Variants in ANKRD44 observed in about 807,000 individuals in gnomAD.
ANKRD44 encodes the protein serine/threonine-protein phosphatase 6 regulatory ankyrin repeat subunit B.
ANKRD44 carries 35 observed loss-of-function variants against 116.0 expected under a neutral mutation model. The observed-to-expected ratio is 0.30, with a 90% CI of 0.23 to 0.40. ANKRD44 has a LOEUF of 0.40. Among genes scored for constraint, ANKRD44 ranks in the 10% least tolerant of loss-of-function variants. The probability of loss-of-function intolerance (pLI) is 1.00; values close to 1 mark genes in which losing one functional copy is unlikely to be tolerated. For missense variants in ANKRD44, 1,014 were observed against 1,242.6 expected (o/e 0.82, Z 2.77); for synonymous variants, 435 against 461.8 (o/e 0.94, Z 0.74).
intron 21 of ANKRD44, chr2:196,967,549 C>A: frequency 2.5e-6 from 1 of 404,122 alleles, no homozygotes; most frequent in Non-Finnish European, 5.2e-6. Flanking sequence ...TTAATTTTCT[C>A]AAAATGGGGG....
intron 1 of ANKRD44, among the ~76,000 whole-genome samples, chr2:197,270,562 G>A (rs949457360): frequency 1.3e-5 from 2 of 152,182 alleles, no homozygotes; most frequent in Non-Finnish European, 2.9e-5. Flanking sequence ...GAATTTCTAA[G>A]AAGTAATAAA....
Position 197,254,041 on chromosome 2 carries a change from C to T in ANKRD44, c.27+56537G>A, listed in dbSNP as rs562672876. Among the ~76,000 whole-genome samples, 7 of 152,304 alleles carry T rather than the reference C, an allele frequency of 4.6e-5. No individual in the cohort carries two copies. In the East Asian group the frequency reaches 1.3e-3, roughly 29 times the overall value. On this transcript the variant is annotated intron_variant, in intron 1 of 27. Coordinates refer to ENST00000282272, the MANE Select transcript of ANKRD44 (RefSeq NM_001195144.2). ...AATACACAAGCAGTGAATCTTCTGGCCTCACGTAACTAAAACAAGAAAAAT... is the reference window on the plus strand; with the variant it reads ...AATACACAAGCAGTGAATCTTCTGGTCTCACGTAACTAAAACAAGAAAAAT...
intron 1 of ANKRD44, among the ~76,000 whole-genome samples, chr2:197,192,933 A>G (rs1422408345): frequency 2.0e-5 from 3 of 152,182 alleles, no homozygotes; most frequent in Non-Finnish European, 4.4e-5. Context: ...CATGTCTGAA[A>G]ATGTCTCCTA....
Position 197,001,788 on chromosome 2 carries a change from A to G in ANKRD44, c.2400T>C (p.Phe800=). The G allele has an allele frequency of 6.2e-7, 1 of 1,613,672 alleles. No homozygotes were observed. The highest frequency in any genetic ancestry group is 8.5e-7 in the Non-Finnish European group (1 of 1,179,690). ...VLLEQKCFRK[F]IGNPFTPLHC... is the part of the protein sequence containing the mutation. ...GCAGTGGAGTAAAGGGATTACCGAT[A>G]AATTTGCGAAAACATTTTTGCTCCA... Residue 800 remains phenylalanine, a synonymous_variant, in exon 22 of 28, where the codon TTT becomes TTC. Transcript: ENST00000282272.
rs2077775759 is a variant in ANKRD44 at position 197,080,768 on chromosome 2, G to A, written c.1538+877C>T. ...GGGAGGAGCACAGTGGAAAACCCTG[G>A]AGTAGACACAGGCATTCGGGCCACA... On this transcript the variant is annotated intron_variant, in intron 15 of 27. Coordinates refer to ENST00000282272, the MANE Select transcript of ANKRD44 (RefSeq NM_001195144.2). Among the ~76,000 whole-genome samples the A allele has an allele frequency of 2.0e-5, 3 of 152,088 alleles. No individual in the cohort carries two copies. In the South Asian group the frequency reaches 6.2e-4, roughly 31 times the overall value.
chr2:197,066,503 T>C (rs1350570616), intron 16 of ANKRD44, among the ~76,000 whole-genome samples: 1 of 152,136 alleles, frequency 6.6e-6, no homozygotes, highest in Non-Finnish European at 1.5e-5. Context: ...TCAAATTGTC[T>C]CTGTTTGCAG....
chr2:197,078,127 TATA>T (rs1188457395), intron 16 of ANKRD44: 1 of 156,322 alleles, frequency 6.4e-6, no homozygotes, highest in Non-Finnish European at 1.4e-5. Context: ...TTATTAAGAC[TATA>T]ATAACAAACT....
intron 1 of ANKRD44, among the ~76,000 whole-genome samples, chr2:197,288,665 TACACACACATATACACATACACAC>T (rs2083474758): frequency 1.3e-5 from 2 of 151,940 alleles, no homozygotes; most frequent in African/African-American, 4.8e-5. Flanking sequence ...TATACACATA[TACACACACATATACACATACACAC>T]ACACACACCA....
chr2:197,290,061 T>C (rs1364957284), intron 1 of ANKRD44, among the ~76,000 whole-genome samples: 1 of 152,064 alleles, frequency 6.6e-6, no homozygotes, highest in African/African-American at 2.4e-5. Context: ...GGTTTCACTA[T>C]GTTGGCCAGG....
chr2:197,063,365 G>GA (rs1270406468), intron 16 of ANKRD44, among the ~76,000 whole-genome samples: 1 of 152,182 alleles, frequency 6.6e-6, no homozygotes, highest in East Asian at 1.9e-4. Context: ...AAACAGAGCA[G>GA]AAAAGCTGAA....
rs775163277 is a variant in ANKRD44, at chr2:197,083,458, T to A, written c.1368A>T (p.Thr456=). Residue 456 remains threonine, a synonymous_variant, in exon 14 of 28, where the codon ACA becomes ACT. Transcript: ENST00000282272. ...AANCHFHCIE[T]LVTTGANVNE... is the part of the protein sequence containing the mutation. ...TAACGTTGGCCCCTGTGGTCACTAA[T>A]GTCTCAATACAGTGGAAATGACAAT... 4.3e-6 allele frequency: 7 copies of A among 1,613,920 alleles called. No homozygotes were observed. In the South Asian group the frequency reaches 7.7e-5, roughly 18 times the overall value.
In ANKRD44 at chr2:197,013,555, A is replaced by G; in HGVS notation, c.1880T>C (p.Phe627Ser). 1 of 1,614,216 alleles carries G rather than the reference A, an allele frequency of 6.2e-7. No individual in the cohort carries two copies. Among genetic ancestry groups the G allele is most frequent in the Non-Finnish European group, 8.5e-7 (1 of 1,180,044 alleles). Reference protein sequence around the residue: ...EALINQGASIFVKDNVTKRTP... With the variant: ...EALINQGASISVKDNVTKRTP... The stretch of plus-strand genomic sequence containing the variant: ...TCTTTTGGTTACATTGTCTTTCACA[A>G]AGATGGATGCGCCCTGATTGATAAG... The change falls in exon 18 of 28, where the codon TTT (phenylalanine) becomes TCT (serine). Residue 627 changes from phenylalanine (F) to serine (S), a missense_variant. Coordinates refer to ENST00000282272, the MANE Select transcript of ANKRD44 (RefSeq NM_001195144.2).
chr2:197,225,747 C>T (rs541599335), intron 1 of ANKRD44, among the ~76,000 whole-genome samples: 12 of 152,330 alleles, frequency 7.9e-5, no homozygotes, highest in Admixed American at 2.0e-4. Flanking sequence ...AACCCAGAAA[C>T]AGACCTAATA....
At chr2:197,261,391 T>C (rs1434624625) in intron 1 of ANKRD44, among the ~76,000 whole-genome samples, 1 of 151,928 alleles carries the variant, frequency 6.6e-6, no homozygotes, top group Admixed American at 6.6e-5. Context: ...TAGTTGTAGA[T>C]ATGTGGAATT....
chr2:197,098,796 G>A (rs1434731215), intron 10 of ANKRD44, among the ~76,000 whole-genome samples: 1 of 152,104 alleles, frequency 6.6e-6, no homozygotes, highest in East Asian at 1.9e-4. Flanking sequence ...ATAAGTACTA[G>A]TATTACTAGT....
At chr2:197,002,432 T>G (rs925365844) in intron 21 of ANKRD44, among the ~76,000 whole-genome samples, 1 of 152,238 alleles carries the variant, frequency 6.6e-6, no homozygotes, top group African/African-American at 2.4e-5. Context: ...GTAGGTAGTT[T>G]CCAAATCAAC....
intron 19 of ANKRD44, among the ~76,000 whole-genome samples, chr2:197,008,138 T>G (rs984787836): frequency 6.6e-6 from 1 of 152,166 alleles, no homozygotes; most frequent in Non-Finnish European, 1.5e-5. Context: ...AGTGGAATGA[T>G]CCCTAGGGAT....
In ANKRD44 at chr2:197,065,852, C is replaced by A. The variant is rs183707212; in HGVS notation, c.1650+12851G>T. Among the ~76,000 whole-genome samples the A allele has an allele frequency of 9.1e-3, 1,387 of 152,294 alleles. 7 individuals are homozygous for A. Among genetic ancestry groups the A allele is most frequent in the Non-Finnish European group, 0.013 (900 of 68,022 alleles). ...CAGATGGATTCACAGCTGAATTCTA[C>A]CAGAGGTACAAGGAGGAGCTGGTAC... is the stretch of plus-strand genomic sequence containing the variant. On this transcript the variant is annotated intron_variant, in intron 16 of 27. Coordinates refer to ENST00000282272, the MANE Select transcript of ANKRD44 (RefSeq NM_001195144.2).
At chr2:197,125,537 A>G in intron 5 of ANKRD44, 69 bp from the exon 6 acceptor site, 1 of 1,384,446 alleles carries the variant, frequency 7.2e-7, no homozygotes, top group Non-Finnish European at 1.0e-6. Flanking sequence ...CTGCCTGCAG[A>G]TGATCTGAGC....
Sources: gnomAD v4.1 joint callset for allele counts (sites outside exome capture counted in the v4.1 genomes callset) on GRCh38, gnomAD v4.1.1 for gene constraint, MANE v1.5 for transcripts, NCBI Gene and HGNC (gene_info 2026-07-23, HGNC 2026-07-21) for gene names.